PHF24: variants seen among roughly 807,000 people sequenced by gnomAD.
PHF24 encodes the protein Galpha inhibitory interacting protein.
In PHF24, 25 loss-of-function variants were observed where a neutral mutation model predicts 42.6. The observed-to-expected ratio is 0.59, with a 90% CI of 0.43 to 0.82. The LOEUF is 0.82. PHF24 is among the 40% of genes least tolerant of loss of function. The pLI is 0.00. For synonymous variants in PHF24, 185 were observed against 204.8 expected, an observed-to-expected ratio of 0.90 and a Z score of 0.83; for missense variants, 470 against 538.1, an observed-to-expected ratio of 0.87 and a Z score of 1.25.
At chr9:34,683,101 C>T in the PHF24 span, among the ~76,000 whole-genome samples, 2 of 151,628 alleles carry the variant, frequency 1.3e-5, no homozygotes, top group Non-Finnish European at 2.9e-5. Flanking sequence ...TGCTCTGTTG[C>T]CCAGGCTGGA....
the PHF24 span, among the ~76,000 whole-genome samples, chr9:34,926,364 T>G: frequency 6.6e-6 from 1 of 152,126 alleles, no homozygotes; most frequent in Admixed American, 6.5e-5. The surrounding 1 kb of genome is among the most constrained non-coding windows in gnomAD (Gnocchi z 4.3). Flanking sequence ...CCTGGAGGAA[T>G]GCCCACCAGA....
the PHF24 span, among the ~76,000 whole-genome samples, chr9:34,686,997 A>G: frequency 6.6e-6 from 1 of 151,516 alleles, no homozygotes; most frequent in Non-Finnish European, 1.5e-5. Flanking sequence ...TTGCTGGGCA[A>G]TTGTACCTGG....
At chr9:34,866,639 T>TA in the PHF24 span, among the ~76,000 whole-genome samples, 1 of 152,088 alleles carries the variant, frequency 6.6e-6, no homozygotes, top group Non-Finnish European at 1.5e-5. Context: ...ACCAAAGCCA[T>TA]AAAAAAGAGT....
the PHF24 span, among the ~76,000 whole-genome samples, chr9:34,674,454 T>G: frequency 2.6e-5 from 4 of 152,254 alleles, no homozygotes; most frequent in Non-Finnish European, 4.4e-5. Context: ...ATAGTAAATA[T>G]TTAAGATTCT....
the PHF24 span, among the ~76,000 whole-genome samples, chr9:34,789,947 A>C: frequency 1.3e-5 from 2 of 152,192 alleles, no homozygotes; most frequent in African/African-American, 4.8e-5. Flanking sequence ...CCTGGGCTCA[A>C]GTGATCCTCC....
the PHF24 span, among the ~76,000 whole-genome samples, chr9:34,831,609 G>T: frequency 6.6e-6 from 1 of 152,064 alleles, no homozygotes; most frequent in Admixed American, 6.5e-5. Flanking sequence ...GCTCATTTTA[G>T]CACCAAGCAA....
the PHF24 span, among the ~76,000 whole-genome samples, chr9:34,755,971 GT>G: frequency 6.6e-6 from 1 of 152,140 alleles, no homozygotes; most frequent in African/African-American, 2.4e-5. Flanking sequence ...CTTGTTGCCT[GT>G]GCTTTTGAGG....
chr9:34,868,846 C>T, the PHF24 span, among the ~76,000 whole-genome samples: 1 of 151,828 alleles, frequency 6.6e-6, no homozygotes, highest in Non-Finnish European at 1.5e-5. Context: ...CTGTATAGAT[C>T]AACCCATCAC....
At chr9:34,831,923 G>A in the PHF24 span, among the ~76,000 whole-genome samples, 1 of 152,142 alleles carries the variant, frequency 6.6e-6, no homozygotes, top group African/African-American at 2.4e-5. Flanking sequence ...TCTGACATCT[G>A]TCTTATTAGA....
chr9:34,729,495 T>C, the PHF24 span: 2 of 1,479,288 alleles, frequency 1.4e-6, no homozygotes, highest in East Asian at 2.5e-5. Flanking sequence ...TGGTGCCTAA[T>C]GAATCCCAGT....
chr9:34,956,480 G>A (rs933271337), upstream of PHF24, among the ~76,000 whole-genome samples: 5 of 152,102 alleles, frequency 3.3e-5, no homozygotes, highest in Admixed American at 2.6e-4. Context: ...GGCTGGTCTC[G>A]ACCTCAGGTG....
chr9:34,688,329 C>T, the PHF24 span, among the ~76,000 whole-genome samples: 1 of 152,214 alleles, frequency 6.6e-6, no homozygotes, highest in African/African-American at 2.4e-5. Flanking sequence ...AGAACACTGT[C>T]TGGAGGCTAG....
the PHF24 span, chr9:34,922,633 A>G: frequency 9.7e-7 from 1 of 1,028,448 alleles, no homozygotes; most frequent in East Asian, 2.4e-5. Flanking sequence ...GGGACAGTAC[A>G]TCATTGCAGC....
chr9:34,922,738 C>T, the PHF24 span: 15 of 1,585,202 alleles, frequency 9.5e-6, no homozygotes, highest in Middle Eastern at 9.1e-4. Context: ...ATACTTGAGA[C>T]GATGCTCCAA....
At chr9:34,839,549 G>T in the PHF24 span, among the ~76,000 whole-genome samples, 2 of 152,168 alleles carry the variant, frequency 1.3e-5, no homozygotes, top group South Asian at 4.1e-4. Context: ...ATTCTTAGAA[G>T]GTGTTGCCCT....
the PHF24 span, among the ~76,000 whole-genome samples, chr9:34,925,061 A>AT: frequency 6.6e-6 from 1 of 151,982 alleles, no homozygotes; most frequent in Non-Finnish European, 1.5e-5. Context: ...AATTCCTTTC[A>AT]TTTTTGCTTG....
chr9:34,868,376 G>A, the PHF24 span, among the ~76,000 whole-genome samples: 2 of 152,184 alleles, frequency 1.3e-5, no homozygotes, highest in African/African-American at 2.4e-5. Flanking sequence ...GAACTATCTC[G>A]ATTCGTTTTC....
chr9:34,936,735 G>T, the PHF24 span, among the ~76,000 whole-genome samples: 1 of 149,042 alleles, frequency 6.7e-6, no homozygotes, highest in East Asian at 2.0e-4. Context: ...CGTCTGGGAT[G>T]TGAGGAGCAC....
At chr9:34,709,176 G>T in the PHF24 span, 1 of 609,726 alleles carries the variant, frequency 1.6e-6, no homozygotes, top group Non-Finnish European at 2.9e-6. Context: ...TCCCTCCTCG[G>T]TCTCTCTGGA....
Sources: allele counts gnomAD v4.1 joint callset (sites outside exome capture counted in the v4.1 genomes callset), GRCh38; gene constraint gnomAD v4.1.1; non-coding constraint Gnocchi (gnomAD v3.1); transcripts MANE v1.5; gene names NCBI Gene and HGNC (gene_info 2026-07-23, HGNC 2026-07-21).